The following CASTOR1 variants were observed in gnomAD, a reference collection of about 807,000 sequenced individuals.
CASTOR1 encodes cytosolic arginine sensor for mTORC1 subunit 1.
CASTOR1 carries 18 observed loss-of-function variants against 33.7 expected under a neutral mutation model. The observed-to-expected ratio is 0.53, with a 90% CI of 0.37 to 0.79. The LOEUF is 0.79. CASTOR1 is among the 30% of genes least tolerant of loss of function. The pLI is 0.00. For synonymous variants in CASTOR1, 175 were observed against 190.6 expected (o/e 0.92, Z 0.67); for missense variants, 362 against 446.3 (o/e 0.81, Z 1.70).
At chr22:30,286,755 G>A in intron 5 of CASTOR1, 70 bp downstream of exon 5, 1 of 1,595,484 alleles carries the variant, frequency 6.3e-7, no homozygotes, top group East Asian at 2.2e-5. Flanking sequence ...ACTGATAGAT[G>A]GGCGGAAAGT....
Position 30,287,398 on chromosome 22 carries a change from G to C in CASTOR1, c.347C>G (p.Ser116Cys), listed in dbSNP as rs1431724078. 4 of 1,613,022 alleles carry C rather than the reference G, an allele frequency of 2.5e-6. No individual in the cohort carries two copies. The highest frequency in any genetic ancestry group is 3.4e-6 in the Non-Finnish European group (4 of 1,179,786). Residue 116 changes from serine (S) to cysteine (C), a missense_variant, in exon 3 of 9, where the codon TCC becomes TGC. Ser to Cys is a moderately radical substitution (Grantham distance 112). Transcript: ENST00000407689. ...AEHHVSVLML[S>C]TYQTDFILVR... ...CAGGATGAAGTCCGTCTGGTAAGTGGACAGCATCAGCACAGACACGTGGTG... is the reference window on the plus strand; with the variant it reads ...CAGGATGAAGTCCGTCTGGTAAGTGCACAGCATCAGCACAGACACGTGGTG...
rs1929870320 is a variant in CASTOR1, at chr22:30,289,245, G to A, written c.113+140C>T. The A allele has an allele frequency of 1.0e-5, 7 of 670,966 alleles. No homozygotes were observed. The East Asian group carries it at 1.2e-4, about 12-fold the overall frequency. The allele number at this position is 670,966 out of a possible 1,614,324, so 41.6% of individuals were successfully genotyped here. A position where few individuals can be genotyped will look rare whatever the true frequency, so the allele number is the denominator to read the frequency against. On this transcript the variant is annotated intron_variant, in intron 1 of 8. Coordinates refer to ENST00000407689, the MANE Select transcript of CASTOR1 (RefSeq NM_001037666.3). ...GCGGCGGTCCCCCAGGCCGGATGGC[G>A]GCCGGACGGGGAGAGTCCTCCCCAC...
chr22:30,287,720 A>C (rs953496194), intron 2 of CASTOR1, 160 bp from the exon 3 acceptor site: 8 of 747,328 alleles, frequency 1.1e-5, no homozygotes, highest in Non-Finnish European at 1.9e-5. Context: ...AGACTGAGAA[A>C]GGCTTCAAGT....
At position 30,286,376 on chromosome 22, in the gene CASTOR1, G is replaced by T. The variant is rs749592222; in HGVS notation, c.630C>A (p.Ser210Arg). The change falls in exon 6 of 9, where the codon AGC becomes AGA. Residue 210 changes from serine (S) to arginine (R), a missense_variant and splice_region_variant. By Grantham distance (110) the Ser-to-Arg change is moderately radical. Transcript: ENST00000407689. Reference sequence around the variant, plus strand: ...TGCTAGAGGCTGCCTCCTTGGGGGTGCTGGGGAGGGATGGGAGGTTTAGGG... The same window carrying T: ...TGCTAGAGGCTGCCTCCTTGGGGGTTCTGGGGAGGGATGGGAGGTTTAGGG... ...TLIDVLFYSH[S>R]TPKEAASSSP... is the part of the protein sequence containing the mutation. The T allele has an allele frequency of 6.2e-7, 1 of 1,606,500 alleles. No individual in the cohort carries two copies. Among genetic ancestry groups the T allele is most frequent in the South Asian group, 1.1e-5 (1 of 90,920 alleles).
At position 30,288,752 on chromosome 22, in the gene CASTOR1, C is replaced by A; in HGVS notation, c.138G>T (p.Glu46Asp). ...CCATAAGCGTGTAATCCTCAGGGGT[C>A]TCCGTCAGGCTGAAGAACTTGCACC... is the stretch of plus-strand genomic sequence containing the variant. The part of the protein sequence containing the change: ...RSRCKFFSLT[E>D]TPEDYTLMVD... The change falls in exon 2 of 9, where the codon GAG becomes GAT. Residue 46 changes from glutamate to aspartate, a missense_variant. Coordinates refer to ENST00000407689, the MANE Select transcript of CASTOR1 (RefSeq NM_001037666.3). 1 of 1,612,460 alleles carries A rather than the reference C, an allele frequency of 6.2e-7. No individual in the cohort carries two copies. Among genetic ancestry groups the A allele is most frequent in the Admixed American group, 1.7e-5 (1 of 59,608 alleles).
rs1473170002 is a variant in CASTOR1 at position 30,287,159 on chromosome 22, C to G, written c.501G>C (p.Gln167His). The change falls in exon 4 of 9, where the codon CAG becomes CAC. Residue 167 changes from glutamine (Q) to histidine (H), a missense_variant. Gln to His is a conservative substitution (Grantham distance 24, BLOSUM62 0). Transcript: ENST00000407689. The part of the protein sequence containing the change: ...DDSSNGFPRT[Q>H]HGPSPTVHPI... Reference sequence around the variant, plus strand: ...GTGTCAGGGGGCGGCCCTCACCATGCTGAGTGCGGGGAAAGCCATTGCTGG... The same window carrying G: ...GTGTCAGGGGGCGGCCCTCACCATGGTGAGTGCGGGGAAAGCCATTGCTGG... 1 of 1,609,808 alleles carries G rather than the reference C, an allele frequency of 6.2e-7. No homozygotes were observed. Among genetic ancestry groups the G allele is most frequent in the South Asian group, 1.1e-5 (1 of 90,786 alleles).
Position 30,287,215 on chromosome 22 carries a change from C to T in CASTOR1, c.445G>A (p.Gly149Arg), listed in dbSNP as rs1207815922. ...QEFDIYREVG[G>R]EPVPVTRDDS... ...TCCCTCGTCACAGGCACAGGCTCTC[C>T]GCCCACCTCGCGGTAAATGTCGAAC... Residue 149 changes from glycine (G) to arginine (R), a missense_variant, in exon 4 of 9, where the codon GGA (glycine) becomes AGA (arginine). Coordinates refer to ENST00000407689, the MANE Select transcript of CASTOR1 (RefSeq NM_001037666.3). 11 of 1,602,502 alleles carry T rather than the reference C, an allele frequency of 6.9e-6. No homozygotes were observed. The highest frequency in any genetic ancestry group is 3.4e-5 in the Admixed American group (2 of 58,930).
rs1929725845 is a variant in CASTOR1, at chr22:30,285,292, T to C, written c.*328A>G. 1.4e-5 allele frequency: 3 copies of C among 217,564 alleles called. No homozygotes were observed. The South Asian group carries it at 3.4e-4, about 24-fold the overall frequency. The allele number at this position is 217,564 out of a possible 1,614,324, so 13.5% of individuals were successfully genotyped here. On this transcript the variant is annotated 3_prime_UTR_variant, in exon 9 of 9. Transcript: ENST00000407689. ...GCGGGGCAGCTGGCCCAGGAAGCCT[T>C]TGGGGAATGGCTCAGGCCTCAGGCA...
chr22:30,286,056 C>G lies in CASTOR1; in HGVS notation c.786G>C (p.Leu262=). ...GTCCACCGATGCGCACCATCCTCCA[C>G]AGCTCCCCCGAGGAGCTGGTCAGCA... ...DLLLTSSSGE[L]WRMVRIGGQP... is the part of the protein sequence containing the mutation. Residue 262 remains leucine, a synonymous_variant, in exon 7 of 9, where the codon CTG becomes CTC. Transcript: ENST00000407689. The G allele has an allele frequency of 6.3e-7, 1 of 1,585,898 alleles. No homozygotes were observed. Among genetic ancestry groups the G allele is most frequent in the Non-Finnish European group, 8.6e-7 (1 of 1,164,280 alleles).
chr22:30,289,252 C>G (rs1330633995), intron 1 of CASTOR1, 133 bp downstream of exon 1: 3 of 697,916 alleles, frequency 4.3e-6, no homozygotes, highest in Non-Finnish European at 7.3e-6. Context: ...GGCGGCCGGA[C>G]GGGGAGAGTC....
At chr22:30,289,261 T>G in intron 1 of CASTOR1, 124 bp downstream of exon 1, 1 of 744,038 alleles carries the variant, frequency 1.3e-6, no homozygotes, top group Admixed American at 2.4e-5. Context: ...ACGGGGAGAG[T>G]CCTCCCCACC....
At position 30,286,904 on chromosome 22, in the gene CASTOR1, A is replaced by C. The variant is rs770794054; in HGVS notation, c.550T>G (p.Phe184Val). 22 of 1,614,112 alleles carry C rather than the reference A, an allele frequency of 1.4e-5. No individual in the cohort carries two copies. The highest frequency in any genetic ancestry group is 1.6e-5 in the Non-Finnish European group (19 of 1,179,980). The change falls in exon 5 of 9, where the codon TTC becomes GTC. Residue 184 changes from phenylalanine (F) to valine (V), a missense_variant. Coordinates refer to ENST00000407689, the MANE Select transcript of CASTOR1 (RefSeq NM_001037666.3). The part of the protein sequence containing the change: ...VHPIQSPQNR[F>V]CVLTLDPETL... ...TCAGGGTCCAGTGTGAGGACACAGAAGCGGTTCTGTGGGCTCTGGATGGGA... is the reference window on the plus strand; with the variant it reads ...TCAGGGTCCAGTGTGAGGACACAGACGCGGTTCTGTGGGCTCTGGATGGGA...
In CASTOR1 at chr22:30,287,215, C is replaced by G; in HGVS notation, c.445G>C (p.Gly149Arg). Residue 149 changes from glycine (G) to arginine (R), a missense_variant, in exon 4 of 9, where the codon GGA becomes CGA. Transcript: ENST00000407689. ...TCCCTCGTCACAGGCACAGGCTCTC[C>G]GCCCACCTCGCGGTAAATGTCGAAC... Reference protein sequence around the residue: ...QEFDIYREVGGEPVPVTRDDS... With the variant: ...QEFDIYREVGREPVPVTRDDS... 1 of 1,602,620 alleles carries G rather than the reference C, an allele frequency of 6.2e-7. No homozygotes were observed. The highest frequency in any genetic ancestry group is 8.5e-7 in the Non-Finnish European group (1 of 1,173,126).
At position 30,286,360 on chromosome 22, in the gene CASTOR1, C is replaced by A. The variant is rs1210884083; in HGVS notation, c.646G>T (p.Ala216Ser). 3 of 1,613,500 alleles carry A rather than the reference C, an allele frequency of 1.9e-6. No individual in the cohort carries two copies. Among genetic ancestry groups the A allele is most frequent in the East Asian group, 2.2e-5 (1 of 44,874 alleles). Reference sequence around the variant, plus strand: ...GAGCTGGGTTCAGGACTGCTAGAGGCTGCCTCCTTGGGGGTGCTGGGGAGG... The same window carrying A: ...GAGCTGGGTTCAGGACTGCTAGAGGATGCCTCCTTGGGGGTGCTGGGGAGG... ...FYSHSTPKEA[A>S]SSSPEPSSIT... Residue 216 changes from alanine (A) to serine (S), a missense_variant, in exon 6 of 9, where the codon GCC (alanine) becomes TCC (serine). Ala to Ser is a moderately conservative substitution (Grantham distance 99, BLOSUM62 1). Transcript: ENST00000407689.
chr22:30,287,896 CG>C (rs1569156527), intron 2 of CASTOR1: 1 of 542,964 alleles, frequency 1.8e-6, no homozygotes, highest in South Asian at 1.5e-5. Flanking sequence ...TACCTCACTA[CG>C]GTGTCTTCTG....
At position 30,287,412 on chromosome 22, in the gene CASTOR1, A is replaced by G; in HGVS notation, c.333T>C (p.Ser111=). 6.2e-7 allele frequency: 1 copy of G among 1,613,430 alleles called. No individual in the cohort carries two copies. Among genetic ancestry groups the G allele is most frequent in the Non-Finnish European group, 8.5e-7 (1 of 1,179,976 alleles). ...TCTGGTAAGTGGACAGCATCAGCAC[A>G]GACACGTGGTGCTCGGCCAGTGGCG... The part of the protein sequence containing the change: ...VIAPLAEHHV[S]VLMLSTYQTD... The change falls in exon 3 of 9, where the codon TCT becomes TCC. Residue 111 remains serine, a synonymous_variant. Transcript: ENST00000407689.
chr22:30,288,585 C>CT (rs1929844708), intron 2 of CASTOR1, 121 bp downstream of exon 2: 2 of 790,164 alleles, frequency 2.5e-6, no homozygotes, highest in African/African-American at 3.6e-5. Flanking sequence ...GATTCGAACC[C>CT]CGACCCATCT....
rs1258664636 is a variant in CASTOR1, at chr22:30,287,906, T to G, written c.185-346A>C. On this transcript the variant is annotated intron_variant, in intron 2 of 8. Coordinates refer to ENST00000407689, the MANE Select transcript of CASTOR1 (RefSeq NM_001037666.3). Reference sequence around the variant, plus strand: ...ATATCTACCTCACTACGGTGTCTTCTGTGGGTTAGCAGAAGCTTTGTACCA... The same window carrying G: ...ATATCTACCTCACTACGGTGTCTTCGGTGGGTTAGCAGAAGCTTTGTACCA... 3.8e-5 allele frequency: 20 copies of G among 523,458 alleles called. No homozygotes were observed. In the East Asian group the frequency reaches 9.6e-4, roughly 25 times the overall value. 32.4% of individuals were successfully genotyped at this position (523,458 alleles called of 1,614,324 possible).
At position 30,286,296 on chromosome 22, in the gene CASTOR1, A is replaced by T; in HGVS notation, c.710T>A (p.Ile237Asn). 6.2e-7 allele frequency: 1 copy of T among 1,613,878 alleles called. No homozygotes were observed. The highest frequency in any genetic ancestry group is 8.5e-7 in the Non-Finnish European group (1 of 1,179,772). ...FFAFSLIEGY[I>N]SIVMDAETQK... Reference sequence around the variant, plus strand: ...TGTTTCAGCATCCATGACAATGGAGATATAACCCTCGATGAGGGAGAAGGC... The same window carrying T: ...TGTTTCAGCATCCATGACAATGGAGTTATAACCCTCGATGAGGGAGAAGGC... The change falls in exon 6 of 9, where the codon ATC becomes AAC. Residue 237 changes from isoleucine (I) to asparagine (N), a missense_variant. Ile to Asn is a moderately radical substitution (Grantham distance 149). Coordinates refer to ENST00000407689, the MANE Select transcript of CASTOR1 (RefSeq NM_001037666.3).
Sources: allele counts gnomAD v4.1 joint callset, GRCh38; gene constraint gnomAD v4.1.1; transcripts MANE v1.5; gene names NCBI Gene and HGNC (gene_info 2026-07-23, HGNC 2026-07-21).